The following SDK1 variants were observed in gnomAD, a reference collection of about 807,000 sequenced individuals.
SDK1 encodes the protein sidekick cell adhesion molecule 1.
A neutral mutation model predicts 245.5 loss-of-function variants in SDK1; 157 were observed. The observed-to-expected ratio is 0.64, with a 90% CI of 0.56 to 0.73. SDK1 has a LOEUF of 0.73. Among genes scored for constraint, SDK1 ranks in the 30% least tolerant of loss-of-function variants. SDK1 has a pLI of 0.00. For synonymous variants in SDK1, 1,647 were observed against 1,278.5 expected, an observed-to-expected ratio of 1.29 and a Z score of -6.15; for missense variants, 3,583 against 3,002.3, an observed-to-expected ratio of 1.19 and a Z score of -4.52.
intron 35 of SDK1, among the ~76,000 whole-genome samples, chr7:4,203,533 T>TAA (rs10541704): frequency 1.0e-4 from 15 of 148,680 alleles, no homozygotes; most frequent in Non-Finnish European, 1.2e-4. Flanking sequence ...ATTTTTTTTT[T>TAA]AAAAAAAAAA....
intron 5 of SDK1, among the ~76,000 whole-genome samples, chr7:3,839,566 T>A (rs1780106807): frequency 6.6e-6 from 1 of 152,208 alleles, no homozygotes; most frequent in Non-Finnish European, 1.5e-5. Flanking sequence ...TCTCCATGCA[T>A]ACATTTATAA....
At chr7:4,004,777 C>T (rs898914363) in intron 14 of SDK1, among the ~76,000 whole-genome samples, 1 of 152,136 alleles carries the variant, frequency 6.6e-6, no homozygotes, top group African/African-American at 2.4e-5. Context: ...TAATAGTAGT[C>T]ATTAATATCA....
At chr7:3,689,897 C>G (rs973656858) in intron 4 of SDK1, among the ~76,000 whole-genome samples, 3 of 152,182 alleles carry the variant, frequency 2.0e-5, no homozygotes, top group Admixed American at 2.0e-4. Flanking sequence ...GCTTTGACAG[C>G]CAGAACATGT....
chr7:3,364,674 T>C (rs896497006), intron 1 of SDK1, among the ~76,000 whole-genome samples: 1 of 152,216 alleles, frequency 6.6e-6, no homozygotes, highest in Non-Finnish European at 1.5e-5. Flanking sequence ...TCTTGATTAC[T>C]ATAGCTATAT....
chr7:3,834,209 T>C (rs950102991), intron 5 of SDK1, among the ~76,000 whole-genome samples: 7 of 152,238 alleles, frequency 4.6e-5, no homozygotes, highest in African/African-American at 1.7e-4. Flanking sequence ...CCCTGCCCTT[T>C]AAACACTCAG....
chr7:3,432,715 ATTGATCCGG>A (rs1779893534), intron 1 of SDK1, among the ~76,000 whole-genome samples: 2 of 152,156 alleles, frequency 1.3e-5, no homozygotes, highest in African/African-American at 4.8e-5. Context: ...AAGAGTGTTG[ATTGATCCGG>A]TTGTGAAATA....
intron 1 of SDK1, among the ~76,000 whole-genome samples, chr7:3,388,001 C>G (rs1381945365): frequency 6.6e-6 from 1 of 152,172 alleles, no homozygotes; most frequent in Admixed American, 6.5e-5. Context: ...ATAGCTCATG[C>G]TGTCAACCAC....
chr7:4,260,225 T>G (rs1201010742), intron 44 of SDK1, among the ~76,000 whole-genome samples: 1 of 144,158 alleles, frequency 6.9e-6, no homozygotes, highest in Non-Finnish European at 1.5e-5. Context: ...TCTGTGTGTG[T>G]GGGAAGATGT....
intron 2 of SDK1, among the ~76,000 whole-genome samples, chr7:3,634,206 G>C (rs1782386835): frequency 6.6e-6 from 1 of 152,150 alleles, no homozygotes; most frequent in Non-Finnish European, 1.5e-5. Flanking sequence ...TAGGGTGGCA[G>C]ATTCTCCAAA....
intron 13 of SDK1, among the ~76,000 whole-genome samples, chr7:3,982,636 C>T (rs941520905): frequency 3.9e-5 from 6 of 152,070 alleles, no homozygotes; most frequent in South Asian, 2.1e-4. Context: ...GTCAGGAGAT[C>T]GAGACCATCC....
At chr7:3,958,022 C>G (rs530096431) in intron 7 of SDK1, 2 of 470,668 alleles carry the variant, frequency 4.2e-6, no homozygotes, top group South Asian at 1.5e-5. Context: ...GTTTTCATTT[C>G]TCTTTTTCAT....
intron 23 of SDK1, among the ~76,000 whole-genome samples, chr7:4,111,599 A>AGGGAGACCCCGTCT (rs1783356315): frequency 6.6e-6 from 1 of 152,158 alleles, no homozygotes; most frequent in Admixed American, 6.5e-5. Context: ...CTTAGAACAG[A>AGGGAGACCCCGTCT]CAAATCAGGA....
chr7:4,205,337 A>G (rs767811728), intron 35 of SDK1, among the ~76,000 whole-genome samples: 1 of 152,156 alleles, frequency 6.6e-6, no homozygotes. Flanking sequence ...AATCAGTAAT[A>G]TTAGTGACAA....
intron 19 of SDK1, among the ~76,000 whole-genome samples, chr7:4,065,963 C>G (rs1032359503): frequency 1.3e-5 from 2 of 151,998 alleles, no homozygotes; most frequent in Non-Finnish European, 1.5e-5. Context: ...AGCTGAAAGA[C>G]TTGCATTTTT....
At chr7:4,252,944 G>A (rs1006672891) in intron 44 of SDK1, among the ~76,000 whole-genome samples, 3 of 151,106 alleles carry the variant, frequency 2.0e-5, no homozygotes, top group African/African-American at 7.3e-5. Context: ...GTTGTGTACA[G>A]TTGTTTATAA....
At chr7:3,470,767 G>A (rs867727321) in intron 1 of SDK1, among the ~76,000 whole-genome samples, 1 of 152,154 alleles carries the variant, frequency 6.6e-6, no homozygotes, top group Non-Finnish European at 1.5e-5. Context: ...GGCTTTTTAT[G>A]AAATTTTGAG....
intron 1 of SDK1, among the ~76,000 whole-genome samples, chr7:3,345,533 G>A (rs1351894812): frequency 6.6e-6 from 1 of 152,122 alleles, no homozygotes; most frequent in Non-Finnish European, 1.5e-5. Flanking sequence ...TTAAATGGCA[G>A]AGAAACCCCA....
chr7:3,701,767 G>A (rs1199494753), intron 4 of SDK1, among the ~76,000 whole-genome samples: 2 of 151,922 alleles, frequency 1.3e-5, no homozygotes, highest in African/African-American at 4.8e-5. Context: ...TATTGTTGTA[G>A]GGATAGACAC....
At position 3,573,741 on chromosome 7, in the gene SDK1, G is replaced by A. The variant is rs371040823; in HGVS notation, c.299-45339G>A. Among the ~76,000 whole-genome samples, 33 of 152,130 alleles carry A rather than the reference G, an allele frequency of 2.2e-4. No homozygotes were observed. In the East Asian group the frequency reaches 5.2e-3, roughly 24 times the overall value. ...GGCTTTCTGGGAGCCAGGCTGCGTG[G>A]TGGCTGATGTGGCCACATAACATTG... On this transcript the variant is annotated intron_variant, in intron 1 of 44. Transcript: ENST00000404826.
Sources: allele counts gnomAD v4.1 joint callset (sites outside exome capture counted in the v4.1 genomes callset), GRCh38; gene constraint gnomAD v4.1.1; transcripts MANE v1.5; gene names NCBI Gene and HGNC (gene_info 2026-07-23, HGNC 2026-07-21).